Variants in PSD3 observed in about 807,000 individuals in gnomAD.
The protein encoded by PSD3 is pleckstrin and Sec7 domain containing 3.
Under a neutral mutation model 105.5 loss-of-function variants are expected in PSD3, and 49 were observed. That is an observed-to-expected ratio of 0.46 (90% CI 0.37 to 0.59). The LOEUF is 0.59. Ranked by LOEUF, PSD3 falls within the 20% of genes least tolerant of loss-of-function variation. The probability of loss-of-function intolerance (pLI) is 0.00; values close to 1 mark genes in which losing one functional copy is unlikely to be tolerated. For synonymous variants in PSD3, 557 were observed against 457.8 expected, an observed-to-expected ratio of 1.22 and a Z score of -2.77; for missense variants, 1,561 against 1,263.8, an observed-to-expected ratio of 1.24 and a Z score of -3.57.
chr8:18,937,741 T>C (rs780081174), intron 1 of PSD3, among the ~76,000 whole-genome samples: 5 of 152,210 alleles, frequency 3.3e-5, no homozygotes, highest in Non-Finnish European at 7.3e-5. Context: ...TATTAATTTT[T>C]TGAAGTGTTT....
At chr8:18,752,663 T>A (rs1301137637) in intron 9 of PSD3, among the ~76,000 whole-genome samples, 1 of 101,808 alleles carries the variant, frequency 9.8e-6, no homozygotes, top group South Asian at 2.6e-4. Flanking sequence ...TATATTATAT[T>A]TGATATATAT....
At chr8:19,074,599 ATATATATATATATTT>A (rs1563546464) in intron 1 of PSD3, among the ~76,000 whole-genome samples, 6 of 22,476 alleles carry the variant, frequency 2.7e-4, no homozygotes, top group Admixed American at 1.2e-3. Flanking sequence ...ATACATATAT[ATATATATATATATTT>A]TTTTTTTTTT....
At chr8:19,083,114 G>T (rs1462983004) in intron 1 of PSD3, among the ~76,000 whole-genome samples, 1 of 152,042 alleles carries the variant, frequency 6.6e-6, no homozygotes, top group Admixed American at 6.6e-5. Flanking sequence ...TGAGATTCCT[G>T]TCCATGCTAA....
intron 4 of PSD3, among the ~76,000 whole-genome samples, chr8:18,827,154 C>G (rs1170384042): frequency 6.6e-6 from 1 of 152,160 alleles, no homozygotes; most frequent in Non-Finnish European, 1.5e-5. Flanking sequence ...CTCCCTATAC[C>G]CAGAACTTCA....
chr8:19,083,823 G>A (rs531163239), intron 1 of PSD3, among the ~76,000 whole-genome samples: 1 of 152,172 alleles, frequency 6.6e-6, no homozygotes, highest in Non-Finnish European at 1.5e-5. Context: ...TTCTCAAAGT[G>A]GTTAAGATGA....
At chr8:18,936,629 G>T (rs1180525411) in intron 1 of PSD3, among the ~76,000 whole-genome samples, 1 of 151,952 alleles carries the variant, frequency 6.6e-6, no homozygotes, top group African/African-American at 2.4e-5. Context: ...AGGTGTGGTG[G>T]TTCCTGTAAT....
intron 1 of PSD3, among the ~76,000 whole-genome samples, chr8:19,071,306 G>A (rs78554354): frequency 0.012 from 1,739 of 149,568 alleles, 37 homozygotes; most frequent in African/African-American, 0.04. Context: ...GACCTCGAGT[G>A]ATCCTCCCAC....
chr8:18,555,670 C>T (rs1165919300), intron 15 of PSD3, among the ~76,000 whole-genome samples: 5 of 152,134 alleles, frequency 3.3e-5, no homozygotes, highest in Non-Finnish European at 7.3e-5. Flanking sequence ...TGGATCCTCA[C>T]CATTCTTTTT....
intron 9 of PSD3, among the ~76,000 whole-genome samples, chr8:18,753,305 G>C (rs1805756104): frequency 6.6e-6 from 1 of 151,194 alleles, no homozygotes; most frequent in East Asian, 1.9e-4. Context: ...AGTGAGCCGA[G>C]ATCATGCCAC....
chr8:18,845,622 C>A (rs531371275), intron 4 of PSD3, among the ~76,000 whole-genome samples: 1 of 152,144 alleles, frequency 6.6e-6, no homozygotes, highest in Non-Finnish European at 1.5e-5. Context: ...GTTTCACAGG[C>A]CTACTGCAGC....
chr8:19,074,611 ATTTTTTTTT>A (rs1206111403), intron 1 of PSD3, among the ~76,000 whole-genome samples: 2 of 24,228 alleles, frequency 8.3e-5, no homozygotes, highest in Admixed American at 6.8e-4. Context: ...ATATATATAT[ATTTTTTTTT>A]TTTTTTTTTT....
chr8:18,935,821 C>A (rs1822086262), intron 2 of PSD3, among the ~76,000 whole-genome samples: 1 of 151,950 alleles, frequency 6.6e-6, no homozygotes. Flanking sequence ...TTCTTCAAAC[C>A]AAGAACATGA....
At chr8:18,788,265 C>T (rs187840211) in intron 8 of PSD3, among the ~76,000 whole-genome samples, 2 of 152,296 alleles carry the variant, frequency 1.3e-5, no homozygotes, top group South Asian at 2.1e-4. Context: ...CTGACCATAA[C>T]AGAGAAGCAG....
chr8:18,818,984 G>A (rs1270066127), intron 4 of PSD3, among the ~76,000 whole-genome samples: 1 of 152,118 alleles, frequency 6.6e-6, no homozygotes, highest in African/African-American at 2.4e-5. Flanking sequence ...GACCCTTGAT[G>A]TGATCCAGAG....
intron 1 of PSD3, among the ~76,000 whole-genome samples, chr8:18,944,757 T>C (rs1822758342): frequency 6.6e-6 from 1 of 152,130 alleles, no homozygotes; most frequent in Non-Finnish European, 1.5e-5. Flanking sequence ...CAGAACAGGC[T>C]GAATTTATTG....
chr8:18,965,516 C>T (rs1474018008), intron 1 of PSD3, among the ~76,000 whole-genome samples: 2 of 152,158 alleles, frequency 1.3e-5, no homozygotes, highest in African/African-American at 4.8e-5. Context: ...GACCCATGCC[C>T]GGTTGCCACT....
chr8:18,826,537 C>G (rs570610148), intron 4 of PSD3, among the ~76,000 whole-genome samples: 4 of 152,132 alleles, frequency 2.6e-5, no homozygotes, highest in Non-Finnish European at 5.9e-5. Context: ...GATTATTCCT[C>G]AAGATCTTTT....
chr8:18,558,168 G>C (rs1009184920), intron 14 of PSD3, among the ~76,000 whole-genome samples: 3 of 152,182 alleles, frequency 2.0e-5, no homozygotes, highest in Admixed American at 2.0e-4. Context: ...CCAATCTATA[G>C]TGTTTTGTTA....
intron 9 of PSD3, among the ~76,000 whole-genome samples, chr8:18,694,339 G>A (rs1388058952): frequency 5.3e-5 from 8 of 152,180 alleles, no homozygotes; most frequent in South Asian, 4.1e-4. Flanking sequence ...AGCCAGGCGC[G>A]GTGGCGCACG....
Sources: allele counts gnomAD v4.1 joint callset (sites outside exome capture counted in the v4.1 genomes callset), GRCh38; gene constraint gnomAD v4.1.1; transcripts MANE v1.5; gene names NCBI Gene and HGNC (gene_info 2026-07-23, HGNC 2026-07-21).